CHRM3: variants seen among roughly 807,000 people sequenced by gnomAD.
CHRM3 encodes the protein cholinergic receptor muscarinic 3, also known as muscarinic acetylcholine receptor M3.
A neutral mutation model predicts 41.8 loss-of-function variants in CHRM3; 11 were observed. That is an observed-to-expected ratio of 0.26 (90% CI 0.17 to 0.44). CHRM3 has a LOEUF of 0.44. Ranked by LOEUF, CHRM3 falls within the 20% of genes least tolerant of loss-of-function variation. The pLI, the probability that CHRM3 is intolerant of heterozygous loss-of-function variation, is 1.00. For synonymous variants in CHRM3, 297 were observed against 301.4 expected, an observed-to-expected ratio of 0.99 and a Z score of 0.15; for missense variants, 571 against 745.4, an observed-to-expected ratio of 0.77 and a Z score of 2.72.
At chr1:239,664,718 G>C (rs1673591749) in intron 4 of CHRM3, among the ~76,000 whole-genome samples, 1 of 152,056 alleles carries the variant, frequency 6.6e-6, no homozygotes, top group Non-Finnish European at 1.5e-5. Context: ...ATGATCTCAT[G>C]TTACCCTCTT....
At chr1:239,460,306 A>G (rs1035614017) in intron 1 of CHRM3, among the ~76,000 whole-genome samples, 2 of 151,686 alleles carry the variant, frequency 1.3e-5, no homozygotes, top group Non-Finnish European at 2.9e-5. Flanking sequence ...TTCCACTCCT[A>G]TTTTTTTTCC....
intron 6 of CHRM3, among the ~76,000 whole-genome samples, chr1:239,891,737 G>A (rs548122788): frequency 6.6e-6 from 1 of 152,248 alleles, no homozygotes; most frequent in Admixed American, 6.5e-5. Flanking sequence ...GTGAAGCAGA[G>A]GACACGAAAA....
chr1:239,839,223 A>T (rs916712494), intron 6 of CHRM3, among the ~76,000 whole-genome samples: 2 of 152,234 alleles, frequency 1.3e-5, no homozygotes, highest in African/African-American at 4.8e-5. Flanking sequence ...TGAAACTTGG[A>T]TAGGTCTTGT....
chr1:239,732,812 T>G (rs1432618627), intron 5 of CHRM3, among the ~76,000 whole-genome samples: 1 of 134,988 alleles, frequency 7.4e-6, no homozygotes, highest in Non-Finnish European at 1.6e-5. Flanking sequence ...AGATACCTAA[T>G]ATCTCACTTA....
chr1:239,510,164 G>C (rs533225631), intron 2 of CHRM3, among the ~76,000 whole-genome samples: 22 of 152,294 alleles, frequency 1.4e-4, no homozygotes, highest in African/African-American at 4.3e-4. Context: ...AGATATAAAA[G>C]AAGCTGTAGT....
chr1:239,742,927 C>T (rs1165093866), intron 5 of CHRM3, among the ~76,000 whole-genome samples: 1 of 152,188 alleles, frequency 6.6e-6, no homozygotes, highest in Non-Finnish European at 1.5e-5. Context: ...GCCATCTAAT[C>T]TTCATCTACT....
At chr1:239,476,864 C>A (rs181048229) in intron 1 of CHRM3, among the ~76,000 whole-genome samples, 159 of 151,928 alleles carry the variant, frequency 1.0e-3, no homozygotes, top group African/African-American at 3.7e-3. Flanking sequence ...TGTTAGGTGA[C>A]AAAATAATAA....
At chr1:239,445,732 A>G (rs1021568071) in intron 1 of CHRM3, among the ~76,000 whole-genome samples, 4 of 152,184 alleles carry the variant, frequency 2.6e-5, no homozygotes, top group Non-Finnish European at 5.9e-5. Context: ...GTGAAATAGT[A>G]TTAGCTCTTA....
intron 4 of CHRM3, among the ~76,000 whole-genome samples, chr1:239,671,932 G>A (rs1674409883): frequency 1.3e-5 from 2 of 152,146 alleles, no homozygotes; most frequent in Admixed American, 1.3e-4. Flanking sequence ...CTTCCTTGCT[G>A]AATTTGGTGA....
At chr1:239,712,749 T>C (rs113466472) in intron 5 of CHRM3, among the ~76,000 whole-genome samples, 51 of 152,170 alleles carry the variant, frequency 3.4e-4, no homozygotes, top group African/African-American at 1.2e-3. Flanking sequence ...TTCTCTTTAA[T>C]GAAAAGGTCC....
intron 6 of CHRM3, among the ~76,000 whole-genome samples, chr1:239,831,951 T>C (rs1384025967): frequency 6.6e-6 from 1 of 152,252 alleles, no homozygotes; most frequent in Non-Finnish European, 1.5e-5. Flanking sequence ...CCATGCTTTA[T>C]GTGATGTGCT....
chr1:239,540,327 T>TGTC (rs531798235), intron 2 of CHRM3, among the ~76,000 whole-genome samples: 76 of 152,324 alleles, frequency 5.0e-4, no homozygotes, highest in African/African-American at 1.7e-3. Context: ...AGGTAAGCTG[T>TGTC]GTCTATTTTA....
At chr1:239,899,669 C>T (rs1016661738) in intron 6 of CHRM3, 2 of 151,670 alleles carry the variant, frequency 1.3e-5, no homozygotes, top group Non-Finnish European at 2.9e-5. Flanking sequence ...TATATATACA[C>T]GATATAAGTA....
intron 6 of CHRM3, among the ~76,000 whole-genome samples, chr1:239,837,765 G>C (rs1673449293): frequency 1.3e-5 from 2 of 152,164 alleles, no homozygotes; most frequent in Admixed American, 1.3e-4. Context: ...CTCCTGAAGA[G>C]AGTTAGAGTT....
intron 6 of CHRM3, among the ~76,000 whole-genome samples, chr1:239,877,660 T>C (rs921610594): frequency 6.6e-6 from 1 of 152,178 alleles, no homozygotes; most frequent in Non-Finnish European, 1.5e-5. Flanking sequence ...CGTACAGCTC[T>C]GTGAAAGAAT....
chr1:239,478,542 CAT>C (rs1395432323), intron 1 of CHRM3, among the ~76,000 whole-genome samples: 6 of 152,118 alleles, frequency 3.9e-5, no homozygotes, highest in East Asian at 1.9e-4. Context: ...TGAATCAACA[CAT>C]GTGTGACATT....
chr1:239,465,505 GA>G (rs1454021062), intron 1 of CHRM3, among the ~76,000 whole-genome samples: 6 of 152,270 alleles, frequency 3.9e-5, no homozygotes, highest in African/African-American at 1.4e-4. Context: ...AGTCAGTTTA[GA>G]AAGATTGGAT....
At chr1:239,551,144 CTTTTTTTTTTTTT>C (rs1157407521) in intron 3 of CHRM3, among the ~76,000 whole-genome samples, 6 of 60,358 alleles carry the variant, frequency 9.9e-5, no homozygotes, top group African/African-American at 3.2e-4. Context: ...TGTTACCATT[CTTTTTTTTTTTTT>C]TTTTTTTTTT....
In CHRM3 at chr1:239,908,576, C is replaced by T. The variant is rs961905952; in HGVS notation, c.1125C>T (p.Ser375=). Residue 375 remains serine (S), a synonymous_variant, in exon 7 of 7, where the codon AGC becomes AGT. Coordinates refer to ENST00000676153, the MANE Select transcript of CHRM3 (RefSeq NM_001375978.1). The surrounding 1 kb of genome is among the most constrained non-coding windows in gnomAD (Gnocchi z 7.2). ...YSIVLKLPGH[S]TILNSTKLPS... is the part of the protein sequence containing the mutation. Reference sequence around the variant, plus strand: ...TCGTGCTCAAGCTTCCGGGTCACAGCACCATCCTCAACTCCACCAAGTTAC... The same window carrying T: ...TCGTGCTCAAGCTTCCGGGTCACAGTACCATCCTCAACTCCACCAAGTTAC... 1.3e-6 allele frequency: 2 copies of T among 1,593,780 alleles called. No homozygotes were observed. The highest frequency in any genetic ancestry group is 3.5e-5 in the Admixed American group (2 of 57,604).
Sources: gnomAD v4.1 joint callset for allele counts (sites outside exome capture counted in the v4.1 genomes callset) on GRCh38, gnomAD v4.1.1 for gene constraint, Gnocchi (gnomAD v3.1) non-coding constraint, MANE v1.5 for transcripts, NCBI Gene and HGNC (gene_info 2026-07-23, HGNC 2026-07-21) for gene names.